The following PAM variants were observed in gnomAD, a reference collection of about 807,000 sequenced individuals.
PAM encodes peptidyl-glycine alpha-amidating monooxygenase.
In PAM, 72 loss-of-function variants were observed where a neutral mutation model predicts 122.1. That is an observed-to-expected ratio of 0.59 (90% CI 0.49 to 0.72). PAM has a LOEUF of 0.72. Among genes scored for constraint, PAM ranks in the 30% least tolerant of loss-of-function variants. PAM has a pLI of 0.00. For synonymous variants in PAM, 389 were observed against 404.4 expected (o/e 0.96, Z 0.46); for missense variants, 1,106 against 1,183.7 (o/e 0.93, Z 0.96).
At position 102,852,920 on chromosome 5, in the gene PAM, C is replaced by T. The variant is rs140598242; in HGVS notation, c.-373-12903C>T. On this transcript the variant is annotated intron_variant, in intron 1 of 25. Coordinates refer to ENST00000438793, the MANE Select transcript of PAM (RefSeq NM_001177306.2). ...GCAACAATAAGGTACATTTCTTGTCCGTATTTCTCTAAGGAAATAAGCAAG... is the reference window on the plus strand; with the variant it reads ...GCAACAATAAGGTACATTTCTTGTCTGTATTTCTCTAAGGAAATAAGCAAG... Among the ~76,000 whole-genome samples, 733 of 152,198 alleles carry T rather than the reference C, an allele frequency of 4.8e-3. 3 individuals carry two copies. Among genetic ancestry groups the T allele is most frequent in the Non-Finnish European group, 7.7e-3 (522 of 67,978 alleles).
At chr5:102,757,574 C>G (rs1176918717) in intron 1 of PAM, among the ~76,000 whole-genome samples, 1 of 152,202 alleles carries the variant, frequency 6.6e-6, no homozygotes, top group Non-Finnish European at 1.5e-5. Context: ...TTCTAACTTC[C>G]TTCAACTGTA....
At chr5:103,030,972 T>C (rs1448676928), downstream of PAM, 1 of 152,224 alleles carries the variant, frequency 6.6e-6, no homozygotes, top group African/African-American at 2.4e-5. Context: ...TACAGATGTT[T>C]GGAGGGGGAA....
chr5:102,886,497 G>A (rs1262562480), intron 3 of PAM, among the ~76,000 whole-genome samples: 1 of 151,292 alleles, frequency 6.6e-6, no homozygotes, highest in Non-Finnish European at 1.5e-5. Context: ...CTTTTATGTT[G>A]CCATTGTTCT....
intron 1 of PAM, among the ~76,000 whole-genome samples, chr5:102,780,432 A>G (rs555517071): frequency 8.5e-5 from 13 of 152,264 alleles, no homozygotes; most frequent in Non-Finnish European, 1.6e-4. Flanking sequence ...GTTTTAAACC[A>G]TGTAAAAAAT....
Position 102,755,959 on chromosome 5 carries a change from G to C in PAM, c.-374+611G>C, listed in dbSNP as rs76671267. Among the ~76,000 whole-genome samples the C allele has an allele frequency of 2.7e-4, 41 of 152,180 alleles. 1 individual carries two copies. In the East Asian group the frequency reaches 6.6e-3, roughly 24 times the overall value. On this transcript the variant is annotated intron_variant, in intron 1 of 25. Transcript: ENST00000438793. ...CTCCGAATGTAATACGCGGGCGAAG[G>C]GCGATCTCCAAGGCAGAATGGGAAG...
rs190788404 is a variant in PAM, at chr5:102,901,498, G to A, written c.268+85G>A. The A allele has an allele frequency of 7.1e-5, 55 of 777,048 alleles. No individual in the cohort carries two copies. The East Asian group carries it at 1.1e-3, about 15-fold the overall frequency. The allele number at this position is 777,048 out of a possible 1,614,324, so 48.1% of individuals were successfully genotyped here. On this transcript the variant is annotated intron_variant, in intron 4 of 25. Transcript: ENST00000438793. ...GTGAAAGGTTCTCTTTGAGGGTTAT[G>A]AGCATATTAATCTTTTACTGTCAGT...
chr5:102,849,514 C>T (rs554171556), intron 1 of PAM, among the ~76,000 whole-genome samples: 46 of 145,616 alleles, frequency 3.2e-4, no homozygotes, highest in East Asian at 1.2e-3. Context: ...GCCGAGATCG[C>T]GCCACTGCAC....
intron 16 of PAM, among the ~76,000 whole-genome samples, chr5:103,000,002 C>T (rs975110509): frequency 2.0e-5 from 3 of 152,218 alleles, no homozygotes; most frequent in African/African-American, 7.2e-5. Context: ...AATATCTCCT[C>T]AGAAAATGGG....
chr5:102,866,371 G>C (rs1302103215), intron 2 of PAM, 87 bp downstream of exon 2: 2 of 832,522 alleles, frequency 2.4e-6, no homozygotes, highest in Non-Finnish European at 2.0e-6. Flanking sequence ...CAAAATAGAC[G>C]GGGTTGATGT....
intron 15 of PAM, among the ~76,000 whole-genome samples, chr5:102,984,922 A>G (rs1051388664): frequency 6.6e-6 from 1 of 152,198 alleles, no homozygotes; most frequent in Non-Finnish European, 1.5e-5. Context: ...TTCAATAACA[A>G]GAACAACTTT....
intron 1 of PAM, among the ~76,000 whole-genome samples, chr5:102,768,504 C>T (rs1273507445): frequency 6.6e-6 from 1 of 151,996 alleles, no homozygotes; most frequent in Non-Finnish European, 1.5e-5. Flanking sequence ...CTCCACTTCC[C>T]GGTCTCTGGT....
intron 21 of PAM, among the ~76,000 whole-genome samples, chr5:103,012,103 T>C (rs1198616116): frequency 1.3e-5 from 2 of 152,234 alleles, no homozygotes; most frequent in Non-Finnish European, 2.9e-5. Flanking sequence ...ATTTTTTAAA[T>C]TGGATTATTA....
At chr5:102,778,508 G>A (rs759537614) in intron 1 of PAM, among the ~76,000 whole-genome samples, 2 of 152,170 alleles carry the variant, frequency 1.3e-5, no homozygotes, top group Non-Finnish European at 2.9e-5. Context: ...GGTCTCCCTG[G>A]CATTTAGAAT....
At chr5:102,816,519 C>G (rs1206332346) in intron 1 of PAM, among the ~76,000 whole-genome samples, 1 of 152,156 alleles carries the variant, frequency 6.6e-6, no homozygotes, top group Non-Finnish European at 1.5e-5. Context: ...GAACCCTCCT[C>G]TCCTTCAAAG....
chr5:102,852,495 G>A (rs1781570733), intron 1 of PAM, among the ~76,000 whole-genome samples: 1 of 151,776 alleles, frequency 6.6e-6, no homozygotes, highest in African/African-American at 2.4e-5. Context: ...AACGGTTTCT[G>A]GTTGGGATTA....
intron 1 of PAM, among the ~76,000 whole-genome samples, chr5:102,835,569 C>A (rs73189057): frequency 0.025 from 3,798 of 151,914 alleles, 129 homozygotes; most frequent in East Asian, 0.17. Context: ...AAGAACCCCA[C>A]AAGTGTGAGG....
rs769287452 is a variant in PAM, at chr5:102,867,337, A to G, written c.154A>G (p.Ile52Val). 8.7e-6 allele frequency: 14 copies of G among 1,605,620 alleles called. No individual in the cohort carries two copies. In the Admixed American group the frequency reaches 1.5e-4, roughly 17 times the overall value. Residue 52 changes from isoleucine to valine, a missense_variant, in exon 3 of 26, where the codon ATT (isoleucine) becomes GTT (valine). By Grantham distance (29) the Ile-to-Val change is conservative. Transcript: ENST00000438793. Reference protein sequence around the residue: ...CLGTTRPVVPIDSSDFALDIR... With the variant: ...CLGTTRPVVPVDSSDFALDIR... ...TGGTACCACCAGACCCGTAGTTCCT[A>G]TTGATTCATCAGATTTTGCATTGGA...
intron 1 of PAM, among the ~76,000 whole-genome samples, chr5:102,778,368 T>C (rs75334349): frequency 0.014 from 2,168 of 152,254 alleles, 72 homozygotes; most frequent in African/African-American, 0.049. Flanking sequence ...TATATAGTAT[T>C]TTAGACAAGG....
chr5:102,961,053 A>C, intron 13 of PAM, 105 bp from the exon 14 acceptor site: 1 of 607,520 alleles, frequency 1.6e-6, no homozygotes, highest in Non-Finnish European at 3.0e-6. Flanking sequence ...AATAAGCACA[A>C]GACCCTGAAT....
Sources: allele counts gnomAD v4.1 joint callset (sites outside exome capture counted in the v4.1 genomes callset), GRCh38; gene constraint gnomAD v4.1.1; transcripts MANE v1.5; gene names NCBI Gene and HGNC (gene_info 2026-07-23, HGNC 2026-07-21).